Variants in SLC11A2 observed in about 807,000 individuals in gnomAD.
The protein encoded by SLC11A2 is natural resistance-associated macrophage protein 2.
SLC11A2 carries 38 observed loss-of-function variants against 68.0 expected under a neutral mutation model. The observed-to-expected ratio is 0.56, with a 90% CI of 0.43 to 0.73. SLC11A2 has a LOEUF of 0.73. Ranked by LOEUF, SLC11A2 falls within the 30% of genes least tolerant of loss-of-function variation. The probability of loss-of-function intolerance (pLI) is 0.00; values close to 1 mark genes in which losing one functional copy is unlikely to be tolerated. For missense variants in SLC11A2, 517 were observed against 690.5 expected (o/e 0.75, Z 2.82); for synonymous variants, 242 against 250.6 (o/e 0.97, Z 0.32).
At chr12:50,991,027 A>C in intron 14 of SLC11A2, 79 bp from the exon 15 acceptor site, 5 of 1,272,762 alleles carry the variant, frequency 3.9e-6, no homozygotes, top group Non-Finnish European at 4.6e-6. Context: ...GATGGGAATT[A>C]GAGGCAGTTC....
intron 15 of SLC11A2, among the ~76,000 whole-genome samples, chr12:50,990,097 A>T (rs552310521): frequency 1.1e-4 from 16 of 152,334 alleles, no homozygotes; most frequent in East Asian, 5.8e-4. Context: ...TTCTTAAAAA[A>T]TTTTTTATAA....
chr12:51,010,807 AAACT>A (rs1471065637), intron 1 of SLC11A2, 41 bp from the exon 2 acceptor site: 1 of 1,154,650 alleles, frequency 8.7e-7, no homozygotes, highest in East Asian at 2.4e-5. Flanking sequence ...TAGGAAGAAC[AAACT>A]AACAAGTTCA....
the SLC11A2 span, among the ~76,000 whole-genome samples, chr12:50,956,367 G>A: frequency 6.6e-6 from 1 of 152,110 alleles, no homozygotes; most frequent in African/African-American, 2.4e-5. Flanking sequence ...ACTCCAGCCT[G>A]GGCAACAGAG....
intron 5 of SLC11A2, among the ~76,000 whole-genome samples, chr12:51,001,336 AAGAACTTATGAACAC>A (rs1198339404): frequency 2.0e-5 from 3 of 152,016 alleles, no homozygotes; most frequent in Non-Finnish European, 4.4e-5. Context: ...GCAAAATGAT[AAGAACTTATGAACAC>A]ACAGACAGAA....
At position 51,004,914 on chromosome 12, in the gene SLC11A2, A is replaced by G. The variant is rs1467669677; in HGVS notation, c.310-7T>C. 6.2e-7 allele frequency: 1 copy of G among 1,614,012 alleles called. No individual in the cohort carries two copies. Among genetic ancestry groups the G allele is most frequent in the Non-Finnish European group, 8.5e-7 (1 of 1,179,946 alleles). ...ACAGAAGGATCCAGAGCAACTAAGA[A>G]GAACAAAATCTCCTGTAACACTCAT... is the stretch of plus-strand genomic sequence containing the variant. On this transcript the variant is annotated splice_region_variant and splice_polypyrimidine_tract_variant and intron_variant, in intron 4 of 15. Coordinates refer to ENST00000262052, the MANE Select transcript of SLC11A2 (RefSeq NM_000617.3).
At position 51,000,377 on chromosome 12, in the gene SLC11A2, T is replaced by C. The variant is rs771454721; in HGVS notation, c.472A>G (p.Ile158Val). The C allele has an allele frequency of 2.4e-5, 38 of 1,614,086 alleles. No individual in the cohort carries two copies. In the Middle Eastern group the frequency reaches 8.2e-4, roughly 35 times the overall value. ...ILWLMVELAI[I>V]GSDMQEVIGS... ...ATGACTTCTTGCATGTCTGAGCCGA[T>C]GATAGCCAACTCCACCATCAGCCAC... The change falls in exon 6 of 16, where the codon ATC (isoleucine) becomes GTC (valine). Residue 158 changes from isoleucine (I) to valine (V), a missense_variant. Physicochemically the swap from Ile to Val is conservative, Grantham distance 29. Transcript: ENST00000262052.
chr12:50,996,801 T>C lies in SLC11A2; in HGVS notation c.831+16A>G, dbSNP rs1387369422. The C allele has an allele frequency of 6.2e-7, 1 of 1,613,412 alleles. No homozygotes were observed. Among genetic ancestry groups the C allele is most frequent in the Non-Finnish European group, 8.5e-7 (1 of 1,179,384 alleles). ...TGAACTGTCTAGGAGGTGAAGGAGATAAGGGCCTTGCTCACCTTGACTAAG... is the reference window on the plus strand; with the variant it reads ...TGAACTGTCTAGGAGGTGAAGGAGACAAGGGCCTTGCTCACCTTGACTAAG... On this transcript the variant is annotated intron_variant, in intron 9 of 15. Coordinates refer to ENST00000262052, the MANE Select transcript of SLC11A2 (RefSeq NM_000617.3).
intron 1 of SLC11A2, among the ~76,000 whole-genome samples, chr12:51,021,022 T>G (rs913162692): frequency 6.6e-6 from 1 of 152,038 alleles, no homozygotes; most frequent in African/African-American, 2.4e-5. Context: ...GCCCAGGAAG[T>G]CAAAGCTGCA....
rs1051567096 is a variant in SLC11A2, at chr12:50,992,176, A to G, written c.1347+14T>C. Reference sequence around the variant, plus strand: ...CTGAATAACTAGGATGTGTTTCCTCAGCTTCCTCCTCACCTGTAAGCTCTG... The same window carrying G: ...CTGAATAACTAGGATGTGTTTCCTCGGCTTCCTCCTCACCTGTAAGCTCTG... On this transcript the variant is annotated intron_variant, in intron 13 of 15. Transcript: ENST00000262052. The G allele has an allele frequency of 6.2e-7, 1 of 1,613,732 alleles. No homozygotes were observed. Among genetic ancestry groups the G allele is most frequent in the South Asian group, 1.1e-5 (1 of 91,046 alleles).
At chr12:51,004,436 A>C (rs1942541858) in intron 5 of SLC11A2, among the ~76,000 whole-genome samples, 1 of 152,194 alleles carries the variant, frequency 6.6e-6, no homozygotes, top group African/African-American at 2.4e-5. Context: ...ACATATATAA[A>C]ATGCAAACTG....
chr12:51,014,292 C>T (rs1943459985), intron 1 of SLC11A2: 2 of 152,146 alleles, frequency 1.3e-5, no homozygotes, highest in South Asian at 2.1e-4. Context: ...AAGGTAATAG[C>T]GTGATCTTCC....
upstream of SLC11A2, among the ~76,000 whole-genome samples, chr12:51,027,578 C>T (rs980414518): frequency 2.0e-5 from 3 of 152,164 alleles, no homozygotes; most frequent in Non-Finnish European, 4.4e-5. Context: ...AGCAATCCCA[C>T]TCTATCGCCA....
At chr12:50,985,790 T>C (rs558433022), downstream of SLC11A2, among the ~76,000 whole-genome samples, 1 of 152,284 alleles carries the variant, frequency 6.6e-6, no homozygotes, top group South Asian at 2.1e-4. Context: ...GAAATTAATA[T>C]CCTGGTATCT....
the SLC11A2 span, chr12:50,954,187 A>T: frequency 1.4e-6 from 1 of 735,262 alleles, no homozygotes; most frequent in Non-Finnish European, 2.3e-6. Flanking sequence ...TTATAATTGA[A>T]TTTTTTCAGA....
chr12:51,008,793 T>TA (rs1942963320), intron 2 of SLC11A2, among the ~76,000 whole-genome samples, 169 bp from the exon 3 acceptor site: 1 of 152,178 alleles, frequency 6.6e-6, no homozygotes, highest in Non-Finnish European at 1.5e-5. Flanking sequence ...CATTTTAGAA[T>TA]AAGTAATACA....
the SLC11A2 span, among the ~76,000 whole-genome samples, chr12:50,973,341 G>A: frequency 6.6e-6 from 1 of 152,176 alleles, no homozygotes; most frequent in African/African-American, 2.4e-5. Context: ...ACCAATATTT[G>A]CTGTTCTGCA....
the SLC11A2 span, among the ~76,000 whole-genome samples, chr12:50,970,186 C>T: frequency 6.6e-6 from 1 of 152,206 alleles, no homozygotes; most frequent in East Asian, 1.9e-4. Flanking sequence ...ACTTTCCTAA[C>T]ATTTCACCAA....
At chr12:50,989,987 T>C (rs1284576333) in intron 15 of SLC11A2, among the ~76,000 whole-genome samples, 2 of 152,218 alleles carry the variant, frequency 1.3e-5, no homozygotes, top group African/African-American at 4.8e-5. Context: ...TTTTCATTAA[T>C]ATAAGCAATG....
At chr12:50,958,993 G>A in the SLC11A2 span, among the ~76,000 whole-genome samples, 1 of 151,868 alleles carries the variant, frequency 6.6e-6, no homozygotes, top group Admixed American at 6.6e-5. Context: ...CTGCAGCCTG[G>A]GTGACAGAGC....
Sources: allele counts gnomAD v4.1 joint callset (sites outside exome capture counted in the v4.1 genomes callset), GRCh38; gene constraint gnomAD v4.1.1; transcripts MANE v1.5; gene names NCBI Gene and HGNC (gene_info 2026-07-23, HGNC 2026-07-21).